The following RPS6KC1 variants were observed in gnomAD, a reference collection of about 807,000 sequenced individuals.
RPS6KC1 encodes ribosomal protein S6 kinase C1, also known as inactive ribosomal protein S6 kinase delta-1.
In RPS6KC1, 54 loss-of-function variants were observed where a neutral mutation model predicts 103.8. The ratio of observed to expected loss-of-function variants is 0.52; its 90% CI spans 0.42 to 0.65. The LOEUF (loss-of-function observed/expected upper bound fraction) is 0.65. RPS6KC1 is among the 30% of genes least tolerant of loss of function. The probability of loss-of-function intolerance (pLI) is 0.00; values close to 1 mark genes in which losing one functional copy is unlikely to be tolerated. For synonymous variants in RPS6KC1, 439 were observed against 438.7 expected (o/e 1.00, Z -0.01); for missense variants, 1,151 against 1,253.8 (o/e 0.92, Z 1.24).
At chr1:213,546,895 CT>C in the RPS6KC1 span, among the ~76,000 whole-genome samples, 1 of 152,068 alleles carries the variant, frequency 6.6e-6, no homozygotes, top group Non-Finnish European at 1.5e-5. Flanking sequence ...TTATTTAGAC[CT>C]TTGCCATGGC....
At chr1:213,481,417 A>C in the RPS6KC1 span, among the ~76,000 whole-genome samples, 1 of 152,240 alleles carries the variant, frequency 6.6e-6, no homozygotes, top group African/African-American at 2.4e-5. Context: ...TCAAACACAA[A>C]TTTTAAAGGA....
At chr1:213,791,756 G>A in the RPS6KC1 span, among the ~76,000 whole-genome samples, 84 of 152,216 alleles carry the variant, frequency 5.5e-4, no homozygotes, top group South Asian at 1.2e-3. Context: ...GATGGCAGAC[G>A]TATAACCCCA....
At chr1:213,594,119 C>T in the RPS6KC1 span, among the ~76,000 whole-genome samples, 2 of 152,138 alleles carry the variant, frequency 1.3e-5, no homozygotes, top group African/African-American at 2.4e-5. Flanking sequence ...CCTACCTCAG[C>T]CTCCCAAAGT....
the RPS6KC1 span, among the ~76,000 whole-genome samples, chr1:213,672,572 C>T: frequency 2.6e-5 from 4 of 152,090 alleles, no homozygotes; most frequent in Non-Finnish European, 5.9e-5. Flanking sequence ...TCTCTTATTA[C>T]CCCTTTATCT....
the RPS6KC1 span, among the ~76,000 whole-genome samples, chr1:213,629,408 C>T: frequency 2.0e-5 from 3 of 151,928 alleles, no homozygotes; most frequent in Non-Finnish European, 2.9e-5. Flanking sequence ...ATTGCAACCC[C>T]TGCCTTTTTT....
At chr1:213,699,511 A>T in the RPS6KC1 span, among the ~76,000 whole-genome samples, 1 of 152,182 alleles carries the variant, frequency 6.6e-6, no homozygotes, top group African/African-American at 2.4e-5. Flanking sequence ...TAGTGCTGCA[A>T]CAAACATGGA....
At chr1:213,448,248 GGAAAAAGAAAAA>G in the RPS6KC1 span, among the ~76,000 whole-genome samples, 1 of 97,912 alleles carries the variant, frequency 1.0e-5, no homozygotes, top group Non-Finnish European at 2.2e-5. Flanking sequence ...AAAAAAAAAA[GGAAAAAGAAAAA>G]AAAGAAACTA....
At chr1:213,666,112 A>G in the RPS6KC1 span, among the ~76,000 whole-genome samples, 31 of 152,326 alleles carry the variant, frequency 2.0e-4, no homozygotes, top group African/African-American at 6.5e-4. Flanking sequence ...TCCTGCTCTC[A>G]AGAGCTTATA....
chr1:213,489,332 G>A, the RPS6KC1 span, among the ~76,000 whole-genome samples: 3 of 152,220 alleles, frequency 2.0e-5, no homozygotes, highest in Non-Finnish European at 4.4e-5. Flanking sequence ...TGGATGGGAA[G>A]TGAATGGCAG....
intron 12 of RPS6KC1, among the ~76,000 whole-genome samples, chr1:213,255,581 G>A (rs867818343): frequency 6.6e-6 from 1 of 152,034 alleles, no homozygotes; most frequent in Non-Finnish European, 1.5e-5. Flanking sequence ...TTTATATAGA[G>A]TTTGCAAGTA....
intron 6 of RPS6KC1, among the ~76,000 whole-genome samples, chr1:213,154,978 C>A (rs1488916324): frequency 3.3e-5 from 5 of 152,192 alleles, no homozygotes; most frequent in African/African-American, 1.2e-4. Flanking sequence ...GTGATGAATG[C>A]TGCCAGCACG....
the RPS6KC1 span, among the ~76,000 whole-genome samples, chr1:213,704,599 C>A: frequency 6.6e-5 from 10 of 152,178 alleles, no homozygotes; most frequent in African/African-American, 1.2e-4. Flanking sequence ...TGAAAGTTCA[C>A]ATATCTCTGT....
chr1:213,191,814 T>C (rs1011280785), intron 8 of RPS6KC1, among the ~76,000 whole-genome samples: 5 of 152,004 alleles, frequency 3.3e-5, no homozygotes, highest in African/African-American at 1.2e-4. Context: ...GGTAAGTTTT[T>C]TCTTCTTTTT....
At chr1:213,071,108 A>G in intron 2 of RPS6KC1, 67 bp downstream of exon 2, 2 of 943,246 alleles carry the variant, frequency 2.1e-6, no homozygotes, top group Non-Finnish European at 1.6e-6. Context: ...TTTTTTGAGG[A>G]AATTGCCTGA....
chr1:213,271,547 C>T (rs1353585685), intron 14 of RPS6KC1, among the ~76,000 whole-genome samples: 1 of 152,032 alleles, frequency 6.6e-6, no homozygotes, highest in Non-Finnish European at 1.5e-5. Flanking sequence ...GGGCGGATCA[C>T]GAGGTCAGGA....
chr1:213,319,693 G>A, the RPS6KC1 span, among the ~76,000 whole-genome samples: 91 of 151,890 alleles, frequency 6.0e-4, no homozygotes, highest in African/African-American at 2.1e-3. Context: ...GACAGGCCTT[G>A]CTTGTCGGGT....
At chr1:213,709,068 A>G in the RPS6KC1 span, among the ~76,000 whole-genome samples, 1 of 152,322 alleles carries the variant, frequency 6.6e-6, no homozygotes, top group Middle Eastern at 3.4e-3. Context: ...ACCTCCTAAA[A>G]TGAGTTAGGG....
the RPS6KC1 span, among the ~76,000 whole-genome samples, chr1:213,823,733 C>CACACAG: frequency 4.0e-5 from 6 of 151,608 alleles, no homozygotes; most frequent in African/African-American, 7.3e-5. Context: ...CAGCCACACA[C>CACACAG]ACACACACAC....
chr1:213,556,425 T>C, the RPS6KC1 span, among the ~76,000 whole-genome samples: 1 of 152,238 alleles, frequency 6.6e-6, no homozygotes, highest in Middle Eastern at 3.2e-3. Context: ...TTAGTCTCTT[T>C]GCACAAACTA....
Sources: allele counts gnomAD v4.1 joint callset (sites outside exome capture counted in the v4.1 genomes callset), GRCh38; gene constraint gnomAD v4.1.1; transcripts MANE v1.5; gene names NCBI Gene and HGNC (gene_info 2026-07-23, HGNC 2026-07-21).